Variants in MED13L observed in about 807,000 individuals in gnomAD.
The protein encoded by MED13L is mediator complex subunit 13L, also known as mediator of RNA polymerase II transcription subunit 13-like.
In MED13L, 7 loss-of-function variants were observed where a neutral mutation model predicts 220.9. That is an observed-to-expected ratio of 0.03 (90% CI 0.02 to 0.06). The LOEUF (loss-of-function observed/expected upper bound fraction) is 0.06, where lower values mean the gene tolerates loss of function less well. MED13L is among the 10% of genes least tolerant of loss of function. MED13L has a pLI of 1.00. For synonymous variants in MED13L, 1,011 were observed against 1,015.2 expected (o/e 1.00, Z 0.08); for missense variants, 1,965 against 2,760.5 (o/e 0.71, Z 6.46).
chr12:116,125,027 ACAC>A (rs747781384), intron 2 of MED13L, among the ~76,000 whole-genome samples: 2 of 152,230 alleles, frequency 1.3e-5, no homozygotes, highest in Non-Finnish European at 2.9e-5. Context: ...GCTTTCTACA[ACAC>A]TATTGATTTT....
chr12:116,029,409 C>T (rs1419647058), intron 4 of MED13L, among the ~76,000 whole-genome samples: 1 of 151,982 alleles, frequency 6.6e-6, no homozygotes, highest in Non-Finnish European at 1.5e-5. Flanking sequence ...GTGGCTCTAT[C>T]ACTGTGCAAA....
intron 4 of MED13L, among the ~76,000 whole-genome samples, chr12:116,078,884 AAAG>A (rs1871020026): frequency 6.6e-6 from 1 of 152,368 alleles, no homozygotes; most frequent in South Asian, 2.1e-4. Flanking sequence ...AAAATTTTAA[AAAG>A]AATATAAAAC....
At chr12:116,121,875 G>A (rs943533197) in intron 2 of MED13L, among the ~76,000 whole-genome samples, 1 of 152,110 alleles carries the variant, frequency 6.6e-6, no homozygotes, top group Non-Finnish European at 1.5e-5. Flanking sequence ...CACTTTCAGG[G>A]ATGGCACTTC....
At chr12:116,097,968 G>A (rs1274348836) in intron 3 of MED13L, among the ~76,000 whole-genome samples, 3 of 152,232 alleles carry the variant, frequency 2.0e-5, no homozygotes, top group East Asian at 3.8e-4. Context: ...AAATGAGGCT[G>A]GGTGGGTGGC....
At chr12:115,971,625 A>C (rs761125545) in intron 26 of MED13L, among the ~76,000 whole-genome samples, 1 of 152,218 alleles carries the variant, frequency 6.6e-6, no homozygotes, top group Non-Finnish European at 1.5e-5. Context: ...TAACTGCTTT[A>C]TCCTTGTTTG....
In MED13L at chr12:115,980,700, G is replaced by A. The variant is rs201303270; in HGVS notation, c.5364+50C>T. ...TGGGTTAGATAAAATACCTCTTCTA[G>A]CTTGCATTTTAGTATAAATTTTCTA... On this transcript the variant is annotated intron_variant, in intron 23 of 30. Transcript: ENST00000281928. 1 of 1,573,400 alleles carries A rather than the reference G, an allele frequency of 6.4e-7. No homozygotes were observed. Among genetic ancestry groups the A allele is most frequent in the African/African-American group, 1.3e-5 (1 of 74,138 alleles).
chr12:116,210,551 C>CTATATATATATATATATATATATATA (rs3043762), intron 2 of MED13L, among the ~76,000 whole-genome samples: 117 of 113,614 alleles, frequency 1.0e-3, no homozygotes, highest in Middle Eastern at 4.2e-3. Context: ...AGAACGTAAC[C>CTATATATATATATATATATATATATA]TATATATATA....
chr12:116,271,581 G>GC (rs1407506091), intron 1 of MED13L, among the ~76,000 whole-genome samples: 1 of 149,644 alleles, frequency 6.7e-6, no homozygotes, highest in Non-Finnish European at 1.5e-5. Context: ...AGCCGCGATC[G>GC]CGCCACTGCA....
intron 2 of MED13L, among the ~76,000 whole-genome samples, chr12:116,138,739 G>A (rs1593088908): frequency 1.3e-5 from 2 of 152,244 alleles, no homozygotes; most frequent in Non-Finnish European, 2.9e-5. Context: ...GTCATTGACA[G>A]TGAAATGTGT....
At chr12:116,112,114 A>G (rs1282052401) in intron 2 of MED13L, among the ~76,000 whole-genome samples, 1 of 152,176 alleles carries the variant, frequency 6.6e-6, no homozygotes, top group Non-Finnish European at 1.5e-5. Context: ...TGCCTCTGAA[A>G]TATATTATAA....
intron 4 of MED13L, among the ~76,000 whole-genome samples, chr12:116,048,024 G>T (rs1881940899): frequency 6.6e-6 from 1 of 150,404 alleles, no homozygotes; most frequent in African/African-American, 2.4e-5. Context: ...AAAGATCAAA[G>T]ATATATGTTA....
At chr12:116,054,235 T>C (rs1470050950) in intron 4 of MED13L, among the ~76,000 whole-genome samples, 3 of 150,368 alleles carry the variant, frequency 2.0e-5, no homozygotes, top group Non-Finnish European at 4.5e-5. Flanking sequence ...CACACACACG[T>C]ACGTCTTACC....
intron 2 of MED13L, among the ~76,000 whole-genome samples, chr12:116,184,838 G>A (rs1019298903): frequency 2.0e-5 from 3 of 152,094 alleles, no homozygotes; most frequent in Non-Finnish European, 4.4e-5. Flanking sequence ...TTCAATATAG[G>A]TTATGGCTTA....
chr12:116,086,116 T>C (rs905735908), intron 4 of MED13L, among the ~76,000 whole-genome samples: 1 of 152,128 alleles, frequency 6.6e-6, no homozygotes, highest in Non-Finnish European at 1.5e-5. Context: ...CCAAAAGTAG[T>C]CTAACCAAAG....
At chr12:116,254,488 C>G (rs547492794) in intron 1 of MED13L, among the ~76,000 whole-genome samples, 1 of 152,154 alleles carries the variant, frequency 6.6e-6, no homozygotes, top group East Asian at 1.9e-4. Flanking sequence ...GTGGCTCACA[C>G]CTGTAATCCT....
intron 3 of MED13L, among the ~76,000 whole-genome samples, chr12:116,108,862 T>G (rs1873827430): frequency 6.6e-6 from 1 of 152,102 alleles, no homozygotes; most frequent in African/African-American, 2.4e-5. Context: ...TAACAGTATG[T>G]GAGGCATTAT....
intron 2 of MED13L, among the ~76,000 whole-genome samples, chr12:116,177,135 G>C (rs964633936): frequency 1.3e-5 from 2 of 151,740 alleles, no homozygotes; most frequent in Non-Finnish European, 2.9e-5. Flanking sequence ...TGTGTAATGA[G>C]TACCCCCCTC....
At chr12:116,172,073 C>A (rs1055943759) in intron 2 of MED13L, among the ~76,000 whole-genome samples, 2 of 152,078 alleles carry the variant, frequency 1.3e-5, no homozygotes, top group Non-Finnish European at 2.9e-5. Context: ...ACAGGGAGAG[C>A]CCAGTGACCT....
In MED13L at chr12:116,237,695, G is replaced by A. The variant is rs563883392; in HGVS notation, c.83C>T (p.Thr28Met). Residue 28 changes from threonine (T) to methionine (M), a missense_variant, in exon 2 of 31, where the codon ACG (threonine) becomes ATG (methionine). By Grantham distance (81) the Thr-to-Met change is moderately conservative (BLOSUM62 -1). Transcript: ENST00000281928. ...HSNLFSLAEL[T>M]GIKWRRYNFG... ...ATTGTACCTACGCCATTTGATTCCC[G>A]TGAGTTCAGCCTGGAAAAAGACAAA... 5.4e-5 allele frequency: 87 copies of A among 1,614,058 alleles called. No homozygotes were observed. The highest frequency in any genetic ancestry group is 6.1e-5 in the Non-Finnish European group (72 of 1,179,970).
Sources: allele counts gnomAD v4.1 joint callset (sites outside exome capture counted in the v4.1 genomes callset), GRCh38; gene constraint gnomAD v4.1.1; transcripts MANE v1.5; gene names NCBI Gene and HGNC (gene_info 2026-07-23, HGNC 2026-07-21).